EEIG1: variants seen among roughly 807,000 people sequenced by gnomAD.
EEIG1 encodes the protein early estrogen-induced gene 1 protein.
the EEIG1 span, among the ~76,000 whole-genome samples, chr9:127,962,088 G>A: frequency 6.6e-6 from 1 of 152,226 alleles, no homozygotes; most frequent in Non-Finnish European, 1.5e-5. Flanking sequence ...AAGGAGGGGA[G>A]GGAGGGCAAG....
chr9:127,945,428 G>A, the EEIG1 span: 11 of 1,569,326 alleles, frequency 7.0e-6, no homozygotes, highest in Admixed American at 3.7e-5. The surrounding 1 kb of genome is among the most constrained non-coding windows in gnomAD (Gnocchi z 6.5). Flanking sequence ...TCCGGGGGCC[G>A]GTGCTCCCGC....
At chr9:127,970,795 C>G in the EEIG1 span, among the ~76,000 whole-genome samples, 20 of 151,358 alleles carry the variant, frequency 1.3e-4, no homozygotes, top group African/African-American at 4.9e-4. Flanking sequence ...TCAGCACGCT[C>G]GCCCTTGCCG....
the EEIG1 span, chr9:127,948,491 G>T: frequency 3.4e-6 from 5 of 1,456,260 alleles, no homozygotes; most frequent in African/African-American, 7.0e-5. Context: ...GCAGCCTTTC[G>T]GCTCTGGCCT....
chr9:127,947,843 G>A, the EEIG1 span, among the ~76,000 whole-genome samples: 1 of 152,118 alleles, frequency 6.6e-6, no homozygotes, highest in African/African-American at 2.4e-5. Context: ...CTTGAGGATG[G>A]GGAGGCCACA....
the EEIG1 span, chr9:127,948,459 C>T: frequency 6.2e-7 from 1 of 1,600,020 alleles, no homozygotes; most frequent in Non-Finnish European, 8.6e-7. Flanking sequence ...CACCCACAGC[C>T]TGCCCAGGCG....
chr9:127,955,319 G>A, the EEIG1 span, among the ~76,000 whole-genome samples: 2 of 152,088 alleles, frequency 1.3e-5, no homozygotes, highest in Non-Finnish European at 2.9e-5. Flanking sequence ...TGAGGGCACT[G>A]AAGCTCCAAA....
At chr9:127,962,965 T>C in the EEIG1 span, among the ~76,000 whole-genome samples, 1 of 152,146 alleles carries the variant, frequency 6.6e-6, no homozygotes, top group Non-Finnish European at 1.5e-5. Flanking sequence ...AACTGAAATT[T>C]TAAAATGATA....
At chr9:127,970,068 C>G in the EEIG1 span, among the ~76,000 whole-genome samples, 1 of 152,192 alleles carries the variant, frequency 6.6e-6, no homozygotes, top group Admixed American at 6.6e-5. Flanking sequence ...ACAGCACTGC[C>G]CTGACTTGCA....
the EEIG1 span, among the ~76,000 whole-genome samples, chr9:127,968,629 A>G: frequency 6.6e-6 from 1 of 152,174 alleles, no homozygotes; most frequent in African/African-American, 2.4e-5. Context: ...GTAAGGGGCC[A>G]GGGGTCACTG....
the EEIG1 span, chr9:127,950,354 T>C: frequency 6.6e-7 from 1 of 1,508,954 alleles, no homozygotes. Context: ...CTCCAGAGGA[T>C]TCTGATGAGC....
chr9:127,980,227 A>C, the EEIG1 span: 10 of 1,374,718 alleles, frequency 7.3e-6, no homozygotes, highest in South Asian at 1.4e-5. Flanking sequence ...CCTCCTCAAA[A>C]CACCAGAGCC....
the EEIG1 span, among the ~76,000 whole-genome samples, chr9:127,966,938 C>T: frequency 2.0e-5 from 3 of 152,144 alleles, no homozygotes; most frequent in Non-Finnish European, 4.4e-5. Flanking sequence ...CTTGCAGAAC[C>T]CCTGGGAAAT....
At chr9:127,956,163 C>A in the EEIG1 span, among the ~76,000 whole-genome samples, 1 of 152,212 alleles carries the variant, frequency 6.6e-6, no homozygotes, top group Admixed American at 6.5e-5. Flanking sequence ...TGAGCCTAGT[C>A]ATGCTGGCTC....
At chr9:127,948,408 T>A in the EEIG1 span, 2 of 1,614,094 alleles carry the variant, frequency 1.2e-6, no homozygotes, top group Non-Finnish European at 1.7e-6. Flanking sequence ...AACATACCAA[T>A]GGTGACCTGT....
At chr9:127,942,959 G>T in the EEIG1 span, 4 of 580,214 alleles carry the variant, frequency 6.9e-6, no homozygotes, top group Admixed American at 5.8e-5. Flanking sequence ...CCCTCTAGTG[G>T]TTCAGAGGAG....
chr9:127,944,457 G>C, the EEIG1 span: 1 of 642,618 alleles, frequency 1.6e-6, no homozygotes, highest in Non-Finnish European at 2.8e-6. Flanking sequence ...CACACAGCCT[G>C]ACAGATGGGG....
the EEIG1 span, chr9:127,943,277 C>A: frequency 1.2e-6 from 2 of 1,605,056 alleles, no homozygotes; most frequent in Non-Finnish European, 1.7e-6. Context: ...CCCTCGATAC[C>A]CCATTTCCTG....
chr9:127,973,704 G>A, the EEIG1 span, among the ~76,000 whole-genome samples: 1 of 152,172 alleles, frequency 6.6e-6, no homozygotes, highest in Admixed American at 6.5e-5. The surrounding 1 kb of genome is among the most constrained non-coding windows in gnomAD (Gnocchi z 4.2). Flanking sequence ...CCACAGCCTC[G>A]CTGCCCGGGC....
chr9:127,975,181 TG>T, the EEIG1 span, among the ~76,000 whole-genome samples: 5 of 152,234 alleles, frequency 3.3e-5, no homozygotes, highest in Non-Finnish European at 5.9e-5. Context: ...CCCCAGGGAC[TG>T]GGCCTGGCGT....
Sources: allele counts gnomAD v4.1 joint callset (sites outside exome capture counted in the v4.1 genomes callset), GRCh38; gene constraint gnomAD v4.1.1; non-coding constraint Gnocchi (gnomAD v3.1); transcripts MANE v1.5; gene names NCBI Gene and HGNC (gene_info 2026-07-23, HGNC 2026-07-21).